GPR162: variants seen among roughly 807,000 people sequenced by gnomAD.
GPR162 encodes probable G protein-coupled receptor 162.
In GPR162, 26 loss-of-function variants were observed where a neutral mutation model predicts 44.9. That is an observed-to-expected ratio of 0.58 (90% CI 0.42 to 0.80). GPR162 has a LOEUF of 0.80. Ranked by LOEUF, GPR162 falls within the 30% of genes least tolerant of loss-of-function variation. The pLI is 0.00. For missense variants in GPR162, 704 were observed against 802.3 expected (o/e 0.88, Z 1.48); for synonymous variants, 363 against 335.2 (o/e 1.08, Z -0.91).
chr12:6,827,125 C>CA lies in GPR162; in HGVS notation c.1688_1689insA (p.Glu566Ter). Reference sequence around the variant, plus strand: ...AGCGCAGGGAGACGCTGCTCCCTGACGGGGGGTGAAGAAAGTGCAAGGGCT... The same window carrying CA: ...AGCGCAGGGAGACGCTGCTCCCTGACAGGGGGGTGAAGAAAGTGCAAGGGCT... On this transcript the variant is annotated frameshift_variant, in exon 5 of 5. Coordinates refer to ENST00000311268, the MANE Select transcript of GPR162 (RefSeq NM_019858.2). LOFTEE classifies it high-confidence loss of function. The CA allele has an allele frequency of 6.2e-7, 1 of 1,613,180 alleles. No individual in the cohort carries two copies. Among genetic ancestry groups the CA allele is most frequent in the Non-Finnish European group, 8.5e-7 (1 of 1,179,914 alleles).
chr12:6,825,524 C>T lies in GPR162; in HGVS notation c.908C>T (p.Pro303Leu), dbSNP rs369299686. The T allele has an allele frequency of 1.2e-6, 2 of 1,612,028 alleles. No individual in the cohort carries two copies. The highest frequency in any genetic ancestry group is 1.7e-6 in the Non-Finnish European group (2 of 1,179,470). ...FFSLKSDSAP[P>L]WMVLAVLWCS... is the part of the protein sequence containing the mutation. The stretch of plus-strand genomic sequence containing the variant: ...TCCCTCAAGTCGGACTCGGCGCCCC[C>T]CTGGATGGTGCTGGCTGTGCTGTGG... Residue 303 changes from proline to leucine, a missense_variant, in exon 3 of 5, where the codon CCC becomes CTC. Coordinates refer to ENST00000311268, the MANE Select transcript of GPR162 (RefSeq NM_019858.2).
At chr12:6,825,011 C>T in intron 2 of GPR162, 1 of 681,788 alleles carries the variant, frequency 1.5e-6, no homozygotes, top group East Asian at 2.8e-5. Flanking sequence ...TCCTCAGCTC[C>T]ATCACCGTCC....
Position 6,824,543 on chromosome 12 carries a change from G to A in GPR162, c.645G>A (p.Gln215=), listed in dbSNP as rs1555119688. The change falls in exon 2 of 5, where the codon CAG becomes CAA. Residue 215 remains glutamine, a synonymous_variant. Coordinates refer to ENST00000311268, the MANE Select transcript of GPR162 (RefSeq NM_019858.2). Reference sequence around the variant, plus strand: ...GGGCCCGGCCCCGGAGGGCTCGGCAGGCCCGGAGAGTGGGGGGTGGTGGGG... The same window carrying A: ...GGGCCCGGCCCCGGAGGGCTCGGCAAGCCCGGAGAGTGGGGGGTGGTGGGG... ...TLWARPRRAR[Q]ARRVGGGGGT... is the part of the protein sequence containing the mutation. 7 of 1,607,628 alleles carry A rather than the reference G, an allele frequency of 4.4e-6. No homozygotes were observed. In the South Asian group the frequency reaches 7.8e-5, roughly 18 times the overall value.
Position 6,827,160 on chromosome 12 carries a change from T to A in GPR162, c.1723T>A (p.Ser575Thr), listed in dbSNP as rs995819516. ...AGAAAGTGCAAGGGCTTGGGGAGGA[T>A]CCTGGGGCCCAGGCAACCCCATCTT... ...GEESARAWGG[S>T]WGPGNPIFPQ... The change falls in exon 5 of 5, where the codon TCC (serine) becomes ACC (threonine). Residue 575 changes from serine (S) to threonine (T), a missense_variant. By Grantham distance (58) the Ser-to-Thr change is moderately conservative (BLOSUM62 1). This residue lies in a region of GPR162 where 404 missense variants were observed against 314.1 expected (regional missense o/e 1.29). Transcript: ENST00000311268. The A allele has an allele frequency of 6.2e-7, 1 of 1,612,400 alleles. No individual in the cohort carries two copies. The highest frequency in any genetic ancestry group is 8.5e-7 in the Non-Finnish European group (1 of 1,179,622).
In GPR162 at chr12:6,827,242, G is replaced by T. The variant is rs782690110; in HGVS notation, c.*38G>T. ...CTGCTGAACTCAGAGGAGAAAGCCT[G>T]AGTGAGTAACACCTCATTCTGGCCG... On this transcript the variant is annotated 3_prime_UTR_variant, in exon 5 of 5. Coordinates refer to ENST00000311268, the MANE Select transcript of GPR162 (RefSeq NM_019858.2). The T allele has an allele frequency of 2.0e-6, 3 of 1,499,706 alleles. No individual in the cohort carries two copies. Among genetic ancestry groups the T allele is most frequent in the Non-Finnish European group, 2.7e-6 (3 of 1,110,146 alleles). The allele number at this position is 1,499,706 out of a possible 1,614,324, so 92.9% of individuals were successfully genotyped here.
chr12:6,824,396 C>A lies in GPR162; in HGVS notation c.498C>A (p.Arg166=). ...WHNNGERYYA[R]GCQFIVSKIG... The stretch of plus-strand genomic sequence containing the variant: ...ACAACGGCGAGCGCTACTATGCCCG[C>A]GGCTGCCAGTTCATAGTCTCCAAGA... Residue 166 remains arginine (R), a synonymous_variant, in exon 2 of 5, where the codon CGC becomes CGA. Coordinates refer to ENST00000311268, the MANE Select transcript of GPR162 (RefSeq NM_019858.2). 1 of 1,614,230 alleles carries A rather than the reference C, an allele frequency of 6.2e-7. No homozygotes were observed. The highest frequency in any genetic ancestry group is 1.1e-5 in the South Asian group (1 of 91,084).
At chr12:6,826,557 TAAG>T (rs1943358953) in intron 4 of GPR162, 93 bp from the exon 5 acceptor site, 1 of 1,226,384 alleles carries the variant, frequency 8.2e-7, no homozygotes, top group Non-Finnish European at 1.1e-6. Flanking sequence ...TTTTGAAGGT[TAAG>T]AAGGTGGCAC....
At chr12:6,824,943 GTC>G (rs782101913) in intron 2 of GPR162, 178 bp downstream of exon 2, 1 of 711,632 alleles carries the variant, frequency 1.4e-6, no homozygotes, top group South Asian at 1.5e-5. Flanking sequence ...TTGATCATCT[GTC>G]TTTTAGTTCC....
chr12:6,825,141 C>T (rs1943337699), intron 2 of GPR162: 3 of 532,424 alleles, frequency 5.6e-6, no homozygotes, highest in Non-Finnish European at 1.0e-5. Flanking sequence ...CTCGGGCTGC[C>T]ACATGGTCTC....
In GPR162 at chr12:6,827,334, C is replaced by A; in HGVS notation, c.*130C>A. 1 of 697,298 alleles carries A rather than the reference C, an allele frequency of 1.4e-6. No individual in the cohort carries two copies. Among genetic ancestry groups the A allele is most frequent in the Non-Finnish European group, 2.4e-6 (1 of 419,946 alleles). 43.2% of individuals were successfully genotyped at this position (697,298 alleles called of 1,614,324 possible). A position where few individuals can be genotyped will look rare whatever the true frequency, so the allele number is the denominator to read the frequency against. ...TAGATTTGGGGCTCAGAAGGCCCTG[C>A]TCTCTCCCATCCAAGTGACCAGATG... On this transcript the variant is annotated 3_prime_UTR_variant, in exon 5 of 5. Transcript: ENST00000311268.
rs141231722 is a variant in GPR162 at position 6,825,947 on chromosome 12, G to A, written c.1058-249G>A. 5.3e-4 allele frequency among the ~76,000 whole-genome samples: 80 copies of A among 152,228 alleles called. 1 individual carries two copies. In the East Asian group the frequency reaches 0.014, roughly 26 times the overall value. On this transcript the variant is annotated intron_variant, in intron 3 of 4. Coordinates refer to ENST00000311268, the MANE Select transcript of GPR162 (RefSeq NM_019858.2). ...GGGGAACCTGAGCTTCCCGAGAGAG[G>A]CCCCCCAGCTATAGGGACGGCTCTT... is the stretch of plus-strand genomic sequence containing the variant.
In GPR162 at chr12:6,825,558, G is replaced by A; in HGVS notation, c.942G>A (p.Met314Ile). The change falls in exon 3 of 5, where the codon ATG becomes ATA. Residue 314 changes from methionine to isoleucine, a missense_variant. Physicochemically the swap from Met to Ile is conservative, Grantham distance 10. Coordinates refer to ENST00000311268, the MANE Select transcript of GPR162 (RefSeq NM_019858.2). Reference protein sequence around the residue: ...WMVLAVLWCSMAQTLLLPSFI... With the variant: ...WMVLAVLWCSIAQTLLLPSFI... Reference sequence around the variant, plus strand: ...TGCTGGCTGTGCTGTGGTGCTCCATGGCACAGACGCTGCTGCTGCCCTCCT... The same window carrying A: ...TGCTGGCTGTGCTGTGGTGCTCCATAGCACAGACGCTGCTGCTGCCCTCCT... The A allele has an allele frequency of 6.2e-7, 1 of 1,610,530 alleles. No individual in the cohort carries two copies. Among genetic ancestry groups the A allele is most frequent in the Non-Finnish European group, 8.5e-7 (1 of 1,178,288 alleles).
intron 3 of GPR162, 66 bp from the exon 4 acceptor site, chr12:6,826,130 G>A (rs1388720722): frequency 5.6e-6 from 7 of 1,257,734 alleles, no homozygotes; most frequent in African/African-American, 1.5e-5. Context: ...AGCTTATAAA[G>A]GCAGTGGTGG....
At chr12:6,825,086 A>ACCTCTCATCCAGC (rs1555119813) in intron 2 of GPR162, 11 of 573,364 alleles carry the variant, frequency 1.9e-5, no homozygotes, top group East Asian at 7.8e-5. Context: ...TCAGCCGCAG[A>ACCTCTCATCCAGC]CCTCTCATCC....
In GPR162 at chr12:6,823,773, G is replaced by C; in HGVS notation, c.-126G>C. Reference sequence around the variant, plus strand: ...AATGCTGAGCACTGGGGTGAGCCTGGGGGCAGCCTGCCTGCTGACAGGGCG... The same window carrying C: ...AATGCTGAGCACTGGGGTGAGCCTGCGGGCAGCCTGCCTGCTGACAGGGCG... On this transcript the variant is annotated 5_prime_UTR_variant, in exon 2 of 5. Transcript: ENST00000311268. 1 of 1,613,130 alleles carries C rather than the reference G, an allele frequency of 6.2e-7. No individual in the cohort carries two copies.
Position 6,826,832 on chromosome 12 carries a change from G to A in GPR162, c.1395G>A (p.Glu465=), listed in dbSNP as rs782662913. Residue 465 remains glutamate, a synonymous_variant, in exon 5 of 5, where the codon GAG becomes GAA. Coordinates refer to ENST00000311268, the MANE Select transcript of GPR162 (RefSeq NM_019858.2). ...YLGQRHRLED[E]EDEEEAEGGG... ...GACAAAGACACAGGTTGGAGGACGA[G>A]GAGGACGAGGAAGAGGCTGAAGGTG... 1 of 1,609,954 alleles carries A rather than the reference G, an allele frequency of 6.2e-7. No homozygotes were observed. The highest frequency in any genetic ancestry group is 8.5e-7 in the Non-Finnish European group (1 of 1,177,932).
Position 6,826,979 on chromosome 12 carries a change from G to A in GPR162, c.1542G>A (p.Leu514=), listed in dbSNP as rs1943370199. 1.2e-6 allele frequency: 2 copies of A among 1,613,286 alleles called. No homozygotes were observed. Among genetic ancestry groups the A allele is most frequent in the Admixed American group, 1.7e-5 (1 of 60,032 alleles). ...EITTFIDETP[L]PSPTASPGHS... ...CCACCTTCATCGATGAGACACCTCT[G>A]CCTTCTCCGACTGCCTCACCAGGGC... The change falls in exon 5 of 5, where the codon CTG becomes CTA. Residue 514 remains leucine, a synonymous_variant. Coordinates refer to ENST00000311268, the MANE Select transcript of GPR162 (RefSeq NM_019858.2).
At position 6,822,382 on chromosome 12, in the gene GPR162, TGGACCA is replaced by T. The variant is rs1943294658; in HGVS notation, c.-432+488_-432+493del. 6.6e-6 allele frequency among the ~76,000 whole-genome samples: 1 copy of T among 151,808 alleles called. No homozygotes were observed. Among genetic ancestry groups the T allele is most frequent in the Non-Finnish European group, 1.5e-5 (1 of 67,918 alleles). On this transcript the variant is annotated intron_variant, in intron 1 of 4. Coordinates refer to ENST00000311268, the MANE Select transcript of GPR162 (RefSeq NM_019858.2). This position sits in a 1 kb window ranked among gnomAD's most constrained non-coding sequence, Gnocchi z 4.2. ...TCCGGAGGGAAGCCAAGGGTGGGGG[TGGACCA>T]GGACCTCTTGGGGAAAGCAAGGGTC...
Position 6,822,940 on chromosome 12 carries a change from C to A in GPR162, c.-431-528C>A, listed in dbSNP as rs1449307784. Among the ~76,000 whole-genome samples the A allele has an allele frequency of 6.6e-6, 1 of 152,222 alleles. No individual in the cohort carries two copies. Among genetic ancestry groups the A allele is most frequent in the Non-Finnish European group, 1.5e-5 (1 of 68,044 alleles). On this transcript the variant is annotated intron_variant, in intron 1 of 4. Transcript: ENST00000311268. This position sits in a 1 kb window ranked among gnomAD's most constrained non-coding sequence, Gnocchi z 4.2. ...CTAGCACCCCCTTCGGTCCCAGACT[C>A]CTTTCTCCCATTTTCCCAGATATGG...
Sources: gnomAD v4.1 joint callset for allele counts (sites outside exome capture counted in the v4.1 genomes callset) on GRCh38, gnomAD v4.1.1 for gene constraint, gnomAD v4.1.1 regional missense constraint, Gnocchi (gnomAD v3.1) non-coding constraint, MANE v1.5 for transcripts, NCBI Gene and HGNC (gene_info 2026-07-23, HGNC 2026-07-21) for gene names.